RNF150: variants seen among roughly 807,000 people sequenced by gnomAD.
RNF150 encodes ring finger protein 150.
Under a neutral mutation model 39.3 loss-of-function variants are expected in RNF150, and 24 were observed. The observed-to-expected ratio is 0.61, with a 90% CI of 0.44 to 0.86. The LOEUF (loss-of-function observed/expected upper bound fraction) is 0.86. RNF150 is among the 40% of genes least tolerant of loss of function. RNF150 has a pLI of 0.00. For synonymous variants in RNF150, 255 were observed against 227.3 expected (o/e 1.12, Z -1.10); for missense variants, 502 against 587.8 (o/e 0.85, Z 1.51).
intron 1 of RNF150, among the ~76,000 whole-genome samples, chr4:141,192,704 C>T (rs1728129294): frequency 1.3e-5 from 2 of 152,196 alleles, no homozygotes; most frequent in Admixed American, 1.3e-4. Context: ...AGCAAAAGTC[C>T]TATCACCAAC....
At chr4:140,937,948 G>GA (rs1253313763) in intron 4 of RNF150, among the ~76,000 whole-genome samples, 2 of 152,002 alleles carry the variant, frequency 1.3e-5, no homozygotes, top group African/African-American at 4.8e-5. Flanking sequence ...AAGGAACTTG[G>GA]AAAAAATCTG....
At chr4:140,921,838 C>T (rs1200480562) in intron 5 of RNF150, among the ~76,000 whole-genome samples, 1 of 152,106 alleles carries the variant, frequency 6.6e-6, no homozygotes, top group Admixed American at 6.6e-5. Context: ...AAACGTAATC[C>T]AGCATATAAA....
At chr4:140,904,824 T>C (rs922690295) in intron 6 of RNF150, among the ~76,000 whole-genome samples, 1 of 152,212 alleles carries the variant, frequency 6.6e-6, no homozygotes, top group Non-Finnish European at 1.5e-5. Flanking sequence ...TCTACAGGCA[T>C]TTACAAGTTT....
At chr4:141,091,095 G>C (rs532117770) in intron 1 of RNF150, among the ~76,000 whole-genome samples, 1 of 152,278 alleles carries the variant, frequency 6.6e-6, no homozygotes, top group Admixed American at 6.5e-5. Flanking sequence ...AGGCGATTGA[G>C]GTCTAGTTTC....
intron 1 of RNF150, among the ~76,000 whole-genome samples, chr4:140,976,418 G>C (rs991618815): frequency 6.6e-6 from 1 of 151,872 alleles, no homozygotes; most frequent in Non-Finnish European, 1.5e-5. Context: ...CTCAGTGTTT[G>C]CGAGGATGAC....
intron 1 of RNF150, among the ~76,000 whole-genome samples, chr4:141,108,575 T>C (rs1369141566): frequency 2.0e-5 from 3 of 152,214 alleles, no homozygotes; most frequent in African/African-American, 7.2e-5. Flanking sequence ...ATCTCTGAAA[T>C]CAGAATGCTT....
chr4:140,953,179 A>C (rs921404690), intron 2 of RNF150, among the ~76,000 whole-genome samples: 1 of 152,230 alleles, frequency 6.6e-6, no homozygotes, highest in African/African-American at 2.4e-5. Context: ...GTCATCTTCA[A>C]CATCAAGTCT....
At chr4:140,982,841 T>C (rs140111163) in intron 1 of RNF150, among the ~76,000 whole-genome samples, 1 of 152,282 alleles carries the variant, frequency 6.6e-6, no homozygotes, top group Admixed American at 6.5e-5. Context: ...GTCCTTGGCA[T>C]ACTTAGTTTC....
At chr4:140,972,006 T>C (rs149312966) in intron 1 of RNF150, among the ~76,000 whole-genome samples, 13 of 152,036 alleles carry the variant, frequency 8.6e-5, no homozygotes, top group African/African-American at 2.7e-4. Flanking sequence ...AGTCTCACTG[T>C]TGGCCCTCTA....
intron 1 of RNF150, chr4:141,053,594 T>C (rs1736859032): frequency 8.6e-6 from 6 of 694,546 alleles, no homozygotes; most frequent in Non-Finnish European, 1.2e-5. Flanking sequence ...GAAAATTGAT[T>C]AGAAAGTTAA....
chr4:140,892,224 G>C (rs909282671), intron 6 of RNF150, among the ~76,000 whole-genome samples: 4 of 152,012 alleles, frequency 2.6e-5, no homozygotes, highest in African/African-American at 9.7e-5. Context: ...AATGTACGAG[G>C]GCAGATGACT....
intron 6 of RNF150, among the ~76,000 whole-genome samples, chr4:140,900,355 G>A (rs139823277): frequency 3.3e-5 from 5 of 152,236 alleles, no homozygotes; most frequent in Admixed American, 3.3e-4. Flanking sequence ...ATTTACTGAT[G>A]GGCTGACTAG....
intron 5 of RNF150, among the ~76,000 whole-genome samples, chr4:140,913,166 C>T (rs985081236): frequency 3.9e-5 from 6 of 152,114 alleles, no homozygotes; most frequent in Admixed American, 1.3e-4. Flanking sequence ...GAGACTGAGG[C>T]AGGGGAATCG....
At chr4:141,025,969 C>T (rs1735680340) in intron 1 of RNF150, among the ~76,000 whole-genome samples, 1 of 152,056 alleles carries the variant, frequency 6.6e-6, no homozygotes, top group Non-Finnish European at 1.5e-5. Context: ...ACTGGATTAG[C>T]GTCCTCCTAA....
intron 1 of RNF150, among the ~76,000 whole-genome samples, chr4:141,162,133 G>A (rs932919481): frequency 6.6e-6 from 1 of 152,210 alleles, no homozygotes; most frequent in Non-Finnish European, 1.5e-5. Flanking sequence ...GCCAGCCCAT[G>A]AGAACAGCCA....
At chr4:140,947,580 T>G (rs1201017678) in intron 4 of RNF150, 74 bp downstream of exon 4, 1 of 1,019,208 alleles carries the variant, frequency 9.8e-7, no homozygotes, top group Non-Finnish European at 1.5e-6. Context: ...GCCCAGCAGG[T>G]CGGGGCCAGG....
At chr4:141,072,165 A>G (rs567767289) in intron 1 of RNF150, among the ~76,000 whole-genome samples, 9 of 152,262 alleles carry the variant, frequency 5.9e-5, no homozygotes, top group South Asian at 4.1e-4. Context: ...GGGCCTTTCC[A>G]CCTACAACCA....
chr4:140,964,589 A>C (rs559746690), intron 2 of RNF150, among the ~76,000 whole-genome samples: 12 of 152,146 alleles, frequency 7.9e-5, no homozygotes, highest in Non-Finnish European at 1.6e-4. Context: ...CAAGATTAAT[A>C]AATGCTGAAA....
intron 1 of RNF150, among the ~76,000 whole-genome samples, chr4:140,986,585 G>A (rs1432455939): frequency 4.6e-5 from 7 of 151,838 alleles, no homozygotes; most frequent in African/African-American, 1.7e-4. Context: ...ATATTTCTTG[G>A]TTTATCAATT....
Sources: gnomAD v4.1 joint callset for allele counts (sites outside exome capture counted in the v4.1 genomes callset) on GRCh38, gnomAD v4.1.1 for gene constraint, MANE v1.5 for transcripts, NCBI Gene and HGNC (gene_info 2026-07-23, HGNC 2026-07-21) for gene names.